The following PTPRT variants were observed in gnomAD, a reference collection of about 807,000 sequenced individuals.
PTPRT encodes protein tyrosine phosphatase receptor type T.
In PTPRT, 56 loss-of-function variants were observed where a neutral mutation model predicts 176.8. The ratio of observed to expected loss-of-function variants is 0.32; its 90% confidence interval spans 0.26 to 0.40. PTPRT has a LOEUF of 0.40. PTPRT is among the 10% of genes least tolerant of loss of function. PTPRT has a pLI of 1.00. For missense variants in PTPRT, 1,540 were observed against 1,908.2 expected (o/e 0.81, Z 3.60); for synonymous variants, 783 against 739.0 (o/e 1.06, Z -0.96).
rs2146675742 is a variant in PTPRT at position 42,199,175 on chromosome 20, C to T, written c.2491+65G>A. 1.9e-6 allele frequency: 3 copies of T among 1,562,680 alleles called. No homozygotes were observed. In the East Asian group the frequency reaches 6.8e-5, roughly 35 times the overall value. On this transcript the variant is annotated intron_variant, in intron 16 of 30. Transcript: ENST00000373187. ...GCACCTGATCAATGTGTGGGGTTCA[C>T]AGCAGAAGTACTAGGGCTGAGCTGG...
At chr20:42,622,459 C>T (rs745484207) in intron 7 of PTPRT, among the ~76,000 whole-genome samples, 1 of 152,094 alleles carries the variant, frequency 6.6e-6, no homozygotes. Context: ...CCAGGATGGT[C>T]TCAATCTCCT....
intron 11 of PTPRT, among the ~76,000 whole-genome samples, chr20:42,334,144 A>G (rs766770621): frequency 1.3e-4 from 20 of 152,186 alleles, no homozygotes; most frequent in Non-Finnish European, 2.2e-4. Context: ...AAAGTCTATT[A>G]AGACCCCCAT....
At chr20:42,985,164 T>G (rs1366848629) in intron 1 of PTPRT, among the ~76,000 whole-genome samples, 1 of 152,074 alleles carries the variant, frequency 6.6e-6, no homozygotes, top group Non-Finnish European at 1.5e-5. Context: ...CTTCAACATT[T>G]TTACGACTCA....
chr20:43,005,654 C>G (rs1446251243), intron 1 of PTPRT, among the ~76,000 whole-genome samples: 1 of 152,214 alleles, frequency 6.6e-6, no homozygotes, highest in Non-Finnish European at 1.5e-5. Flanking sequence ...AAAGCTGACC[C>G]TGTGTCTATT....
At chr20:42,727,075 G>A (rs985932790) in intron 6 of PTPRT, among the ~76,000 whole-genome samples, 2 of 152,108 alleles carry the variant, frequency 1.3e-5, no homozygotes, top group African/African-American at 2.4e-5. Flanking sequence ...TGATCACGAC[G>A]CCCATCTTTT....
rs540170684 is a variant in PTPRT, at chr20:42,469,178, C to T, written c.1450+3088G>A. On this transcript the variant is annotated intron_variant, in intron 8 of 30. Coordinates refer to ENST00000373187, the MANE Select transcript of PTPRT (RefSeq NM_007050.6). ...TATATACCATGCCACTTAATGTGCACGAGAATCTATAAGATAAGTACTTTA... is the reference window on the plus strand; with the variant it reads ...TATATACCATGCCACTTAATGTGCATGAGAATCTATAAGATAAGTACTTTA... Among the ~76,000 whole-genome samples, 12 of 151,926 alleles carry T rather than the reference C, an allele frequency of 7.9e-5. No individual in the cohort carries two copies. In the South Asian group the frequency reaches 8.3e-4, roughly 11 times the overall value.
chr20:42,792,147 A>G (rs1008746993), intron 2 of PTPRT, among the ~76,000 whole-genome samples: 3 of 152,206 alleles, frequency 2.0e-5, no homozygotes, highest in Non-Finnish European at 4.4e-5. Context: ...AGGACACCTG[A>G]CTTGAACTGA....
intron 17 of PTPRT, among the ~76,000 whole-genome samples, chr20:42,152,375 A>G (rs1238671770): frequency 6.6e-6 from 1 of 152,242 alleles, no homozygotes; most frequent in Non-Finnish European, 1.5e-5. Flanking sequence ...ATTGCATACC[A>G]TGTCACTAAA....
intron 1 of PTPRT, among the ~76,000 whole-genome samples, chr20:43,028,052 T>G (rs545037653): frequency 1.3e-5 from 2 of 152,312 alleles, no homozygotes; most frequent in African/African-American, 4.8e-5. Flanking sequence ...GTCTTTGTTT[T>G]TAATGAAACA....
At position 42,087,872 on chromosome 20, in the gene PTPRT, CAAAAAAAAAA is replaced by C. The variant is rs56235565; in HGVS notation, c.3847-2029_3847-2020del. On this transcript the variant is annotated intron_variant, in intron 27 of 30. Transcript: ENST00000373187. ...TGGGAAACAGAGCAAGACTCCATTTCAAAAAAAAAAAAAAAAAAAAAAATAGAAGAAGAAG... is the reference window on the plus strand; with the variant it reads ...TGGGAAACAGAGCAAGACTCCATTTCAAAAAAAAAAAAATAGAAGAAGAAG... Among the ~76,000 whole-genome samples, 55 of 89,052 alleles carry C rather than the reference CAAAAAAAAAA, an allele frequency of 6.2e-4. 1 individual carries two copies. Among genetic ancestry groups the C allele is most frequent in the East Asian group, 1.7e-3 (5 of 3,020 alleles). The allele number at this position is 89,052 out of a possible 152,430, so 58.4% of individuals were successfully genotyped here.
chr20:43,185,541 T>C (rs535348018), intron 1 of PTPRT, among the ~76,000 whole-genome samples: 19 of 152,214 alleles, frequency 1.2e-4, no homozygotes, highest in Non-Finnish European at 2.2e-4. Flanking sequence ...ATTTAAACCC[T>C]TGAATGGCCA....
At chr20:42,748,318 C>T (rs1337044865) in intron 6 of PTPRT, among the ~76,000 whole-genome samples, 1 of 152,154 alleles carries the variant, frequency 6.6e-6, no homozygotes, top group Non-Finnish European at 1.5e-5. Flanking sequence ...TCTCTGATAC[C>T]ATGCCTGCTC....
At chr20:42,924,875 G>A (rs775213179) in intron 1 of PTPRT, among the ~76,000 whole-genome samples, 1 of 152,156 alleles carries the variant, frequency 6.6e-6, no homozygotes, top group Non-Finnish European at 1.5e-5. Context: ...CTTGTTAAAC[G>A]CAGATTCTTG....
intron 1 of PTPRT, among the ~76,000 whole-genome samples, chr20:43,072,456 C>T (rs187351085): frequency 2.6e-5 from 4 of 152,286 alleles, no homozygotes; most frequent in Admixed American, 6.5e-5. Context: ...CAAATATTCT[C>T]ATTGTCTTCT....
chr20:42,206,647 C>T (rs927933546), intron 15 of PTPRT, among the ~76,000 whole-genome samples: 1 of 152,190 alleles, frequency 6.6e-6, no homozygotes, highest in East Asian at 1.9e-4. Context: ...CACGGAGTCT[C>T]GCTGATTGCT....
intron 7 of PTPRT, among the ~76,000 whole-genome samples, chr20:42,597,532 T>C (rs2073692587): frequency 6.6e-6 from 1 of 152,214 alleles, no homozygotes; most frequent in East Asian, 1.9e-4. Context: ...TGGTACTGCA[T>C]AGTGAGTGAG....
At chr20:42,616,924 C>G (rs1173182109) in intron 7 of PTPRT, among the ~76,000 whole-genome samples, 1 of 132,206 alleles carries the variant, frequency 7.6e-6, no homozygotes, top group South Asian at 2.4e-4. Flanking sequence ...ATTGAATACC[C>G]TTTATTTCCT....
At chr20:42,345,161 T>C (rs983026829) in intron 11 of PTPRT, among the ~76,000 whole-genome samples, 5 of 152,088 alleles carry the variant, frequency 3.3e-5, no homozygotes, top group East Asian at 1.9e-4. Context: ...AGTAGCCACA[T>C]ATGGCTCCTG....
Position 42,077,525 on chromosome 20 carries a change from G to A in PTPRT, c.*3354C>T, listed in dbSNP as rs112700109. The A allele has an allele frequency of 1.0e-4, 23 of 219,666 alleles. No homozygotes were observed. Among genetic ancestry groups the A allele is most frequent in the African/African-American group, 3.6e-4 (16 of 44,722 alleles). 13.6% of individuals were successfully genotyped at this position (219,666 alleles called of 1,614,324 possible). A position where few individuals can be genotyped will look rare whatever the true frequency, so the allele number is the denominator to read the frequency against. On this transcript the variant is annotated 3_prime_UTR_variant, in exon 31 of 31. Transcript: ENST00000373187. ...CCCTGTAAATGGGGTGGGGTGGGGA[G>A]ACCCCCTGGGGGTGGTGGTGTTGGC... is the stretch of plus-strand genomic sequence containing the variant.
Sources: allele counts gnomAD v4.1 joint callset (sites outside exome capture counted in the v4.1 genomes callset), GRCh38; gene constraint gnomAD v4.1.1; transcripts MANE v1.5; gene names NCBI Gene and HGNC (gene_info 2026-07-23, HGNC 2026-07-21).